Variants in ABI3BP observed in about 807,000 individuals in gnomAD.
The protein encoded by ABI3BP is target of Nesh-SH3.
In ABI3BP, 216 loss-of-function variants were observed where a neutral mutation model predicts 268.6. The ratio of observed to expected loss-of-function variants is 0.80; its 90% CI spans 0.72 to 0.90. ABI3BP has a LOEUF of 0.90. ABI3BP is among the 40% of genes least tolerant of loss of function. The probability of loss-of-function intolerance (pLI) is 0.00; values close to 1 mark genes in which losing one functional copy is unlikely to be tolerated. For synonymous variants in ABI3BP, 730 were observed against 730.0 expected (o/e 1.00, Z 0.00); for missense variants, 2,090 against 2,182.4 (o/e 0.96, Z 0.84).
intron 9 of ABI3BP, among the ~76,000 whole-genome samples, chr3:100,874,569 G>C (rs2099141719): frequency 6.6e-6 from 1 of 151,916 alleles, no homozygotes; most frequent in East Asian, 1.9e-4. Context: ...TTATTAGAAA[G>C]TTATACATAT....
chr3:100,826,614 T>C (rs1452938743), intron 34 of ABI3BP, among the ~76,000 whole-genome samples: 1 of 152,210 alleles, frequency 6.6e-6, no homozygotes, highest in Admixed American at 6.6e-5. Flanking sequence ...TATCAAATTA[T>C]GGTTGCAGAA....
At chr3:100,921,477 A>C (rs1480722706) in intron 2 of ABI3BP, among the ~76,000 whole-genome samples, 1 of 152,182 alleles carries the variant, frequency 6.6e-6, no homozygotes, top group African/African-American at 2.4e-5. Context: ...GCAGAAACTT[A>C]AAATGTTAAC....
At chr3:100,912,443 G>T (rs1013861594) in intron 2 of ABI3BP, among the ~76,000 whole-genome samples, 2 of 151,998 alleles carry the variant, frequency 1.3e-5, no homozygotes, top group Non-Finnish European at 2.9e-5. Flanking sequence ...AGACTGATTT[G>T]CAGTAGAAAA....
chr3:100,948,852 A>G (rs2073703207), intron 1 of ABI3BP, among the ~76,000 whole-genome samples: 1 of 152,202 alleles, frequency 6.6e-6, no homozygotes, highest in Non-Finnish European at 1.5e-5. Context: ...CAAAATCCAA[A>G]ATGCTCTAAT....
At chr3:100,829,137 T>G (rs2098439409) in intron 33 of ABI3BP, among the ~76,000 whole-genome samples, 1 of 129,028 alleles carries the variant, frequency 7.8e-6, no homozygotes, top group Non-Finnish European at 1.5e-5. Flanking sequence ...TTTAAGTGGT[T>G]GTTAAAAAAA....
At chr3:100,885,679 T>G in intron 5 of ABI3BP, 91 bp from the exon 6 acceptor site, 1 of 695,934 alleles carries the variant, frequency 1.4e-6, no homozygotes, top group Non-Finnish European at 2.4e-6. Context: ...CTACAACTCA[T>G]CCTCTAACTT....
intron 12 of ABI3BP, 148 bp downstream of exon 12, chr3:100,863,854 G>T: frequency 1.6e-6 from 1 of 610,994 alleles, no homozygotes; most frequent in Non-Finnish European, 2.9e-6. Context: ...TTGTCATAGG[G>T]AGAGCCTCTT....
At chr3:100,764,231 T>C (rs2096142792) in intron 63 of ABI3BP, among the ~76,000 whole-genome samples, 1 of 152,290 alleles carries the variant, frequency 6.6e-6, no homozygotes, top group East Asian at 1.9e-4. Flanking sequence ...CAGGAAGATT[T>C]TCCTAATTTC....
intron 2 of ABI3BP, among the ~76,000 whole-genome samples, chr3:100,922,073 G>A (rs1443730794): frequency 6.6e-6 from 1 of 152,222 alleles, no homozygotes; most frequent in Non-Finnish European, 1.5e-5. Context: ...ACAAAAGAAA[G>A]TAAGAGCAGG....
intron 1 of ABI3BP, among the ~76,000 whole-genome samples, chr3:100,978,002 C>A (rs1408687869): frequency 2.0e-5 from 3 of 152,158 alleles, no homozygotes; most frequent in African/African-American, 7.2e-5. Context: ...TCTGTCTAGA[C>A]AGCTCTTAAG....
intron 29 of ABI3BP, among the ~76,000 whole-genome samples, chr3:100,834,294 A>G (rs2098542162): frequency 6.6e-6 from 1 of 152,168 alleles, no homozygotes; most frequent in African/African-American, 2.4e-5. Context: ...CTGTATATCT[A>G]TTATGAAGAG....
At chr3:100,911,661 C>T in intron 2 of ABI3BP, 2 of 735,158 alleles carry the variant, frequency 2.7e-6, no homozygotes, top group Non-Finnish European at 5.0e-6. Flanking sequence ...AGTTTTATAA[C>T]CTAGTTGTTC....
rs560300113 is a variant in ABI3BP, at chr3:100,978,562, C to T, written c.79+14744G>A. Reference sequence around the variant, plus strand: ...CAAGGTTATGTCAAGCGAGTGCTGCCCAGGGCTCCAGCTAGCTATGGTAAA... The same window carrying T: ...CAAGGTTATGTCAAGCGAGTGCTGCTCAGGGCTCCAGCTAGCTATGGTAAA... On this transcript the variant is annotated intron_variant, in intron 1 of 67. Transcript: ENST00000471714. Among the ~76,000 whole-genome samples the T allele has an allele frequency of 2.0e-5, 3 of 152,220 alleles. 1 individual carries two copies. The East Asian group carries it at 5.8e-4, about 29-fold the overall frequency.
At position 100,847,603 on chromosome 3, in the gene ABI3BP, C is replaced by A. The variant is rs547735201; in HGVS notation, c.1647G>T (p.Pro549=). The change falls in exon 19 of 68, where the codon CCG becomes CCT. Residue 549 remains proline, a splice_region_variant and synonymous_variant. Coordinates refer to ENST00000471714, the MANE Select transcript of ABI3BP (RefSeq NM_001375547.2). ...CTACTAAGGACATATCATTATTACC[C>A]GGTGTTGTCCATGTAGGTTCAGGGC... ...SKSPEPTWTT[P]APGKTQFISL... 1.2e-6 allele frequency: 2 copies of A among 1,609,110 alleles called. No individual in the cohort carries two copies. Among genetic ancestry groups the A allele is most frequent in the Non-Finnish European group, 1.7e-6 (2 of 1,175,564 alleles).
intron 40 of ABI3BP, 124 bp downstream of exon 40, chr3:100,820,096 A>G: frequency 1.3e-6 from 1 of 778,662 alleles, no homozygotes; most frequent in Non-Finnish European, 2.0e-6. Context: ...GGGGAGCAGT[A>G]GCACATCTTT....
intron 63 of ABI3BP, 54 bp downstream of exon 63, chr3:100,765,787 T>A (rs1370854060): frequency 7.9e-7 from 1 of 1,267,010 alleles, no homozygotes; most frequent in East Asian, 2.4e-5. Flanking sequence ...TCCCTTGTTG[T>A]GGTTATAACT....
intron 1 of ABI3BP, among the ~76,000 whole-genome samples, chr3:100,928,363 C>T (rs1371982886): frequency 6.6e-6 from 1 of 152,068 alleles, no homozygotes; most frequent in African/African-American, 2.4e-5. Context: ...TGTACAAATA[C>T]CAATCACCAC....
Position 100,772,239 on chromosome 3 carries a change from T to C in ABI3BP, c.4532-1287A>G, listed in dbSNP as rs145725649. On this transcript the variant is annotated intron_variant, in intron 61 of 67. Transcript: ENST00000471714. Reference sequence around the variant, plus strand: ...CAGAAGGCCCACACTAAAAGAAATATTAAAGGAAGTCTTTCAGGTAGGAAG... The same window carrying C: ...CAGAAGGCCCACACTAAAAGAAATACTAAAGGAAGTCTTTCAGGTAGGAAG... Among the ~76,000 whole-genome samples, 43 of 152,262 alleles carry C rather than the reference T, an allele frequency of 2.8e-4. 1 individual carries two copies. The East Asian group carries it at 8.1e-3, about 29-fold the overall frequency.
At chr3:100,828,847 G>A (rs568042970) in intron 33 of ABI3BP, among the ~76,000 whole-genome samples, 125 of 152,296 alleles carry the variant, frequency 8.2e-4, no homozygotes, top group African/African-American at 2.8e-3. Flanking sequence ...CAGCCCCTCA[G>A]TCTGTGGTAT....
Sources: gnomAD v4.1 joint callset for allele counts (sites outside exome capture counted in the v4.1 genomes callset) on GRCh38, gnomAD v4.1.1 for gene constraint, MANE v1.5 for transcripts, NCBI Gene and HGNC (gene_info 2026-07-23, HGNC 2026-07-21) for gene names.